The following LRP6 variants were observed in gnomAD, a reference collection of about 807,000 sequenced individuals.
LRP6 encodes low-density lipoprotein receptor-related protein 6.
A neutral mutation model predicts 184.1 loss-of-function variants in LRP6; 43 were observed. The ratio of observed to expected loss-of-function variants is 0.23; its 90% CI spans 0.18 to 0.30. The LOEUF is 0.30. Ranked by LOEUF, LRP6 falls within the 10% of genes least tolerant of loss-of-function variation. The pLI is 1.00. For synonymous variants in LRP6, 719 were observed against 684.9 expected, an observed-to-expected ratio of 1.05 and a Z score of -0.78; for missense variants, 1,571 against 2,005.3, an observed-to-expected ratio of 0.78 and a Z score of 4.14.
chr12:12,201,891 A>G (rs1021447688), intron 3 of LRP6, among the ~76,000 whole-genome samples: 2 of 152,220 alleles, frequency 1.3e-5, no homozygotes, highest in African/African-American at 4.8e-5. Flanking sequence ...CCATGATTAC[A>G]AAAAGTTTAA....
chr12:12,262,557 CA>C (rs57218812), intron 1 of LRP6, among the ~76,000 whole-genome samples: 898 of 74,468 alleles, frequency 0.012, 1 homozygote, highest in African/African-American at 0.038. Context: ...GACTCCGTCT[CA>C]AAAAAAAAAA....
At position 12,237,025 on chromosome 12, in the gene LRP6, C is replaced by T. The variant is rs546574155; in HGVS notation, c.449+7237G>A. 2.0e-5 allele frequency among the ~76,000 whole-genome samples: 3 copies of T among 152,214 alleles called. No homozygotes were observed. In the East Asian group the frequency reaches 5.8e-4, roughly 29 times the overall value. On this transcript the variant is annotated intron_variant, in intron 2 of 22. Coordinates refer to ENST00000261349, the MANE Select transcript of LRP6 (RefSeq NM_002336.3). ...GAGCTGAAAGTTCCAAGCTTCTAAT[C>T]ATGGCTTGGTCTTTCTGGTGACCAG...
chr12:12,164,671 A>G, intron 8 of LRP6, 109 bp from the exon 9 acceptor site: 1 of 1,016,082 alleles, frequency 9.8e-7, no homozygotes, highest in South Asian at 1.4e-5. Flanking sequence ...GCCTATGATT[A>G]TGTCTTGCTC....
At chr12:12,261,421 T>G (rs1865614282) in intron 1 of LRP6, among the ~76,000 whole-genome samples, 1 of 150,328 alleles carries the variant, frequency 6.7e-6, no homozygotes, top group Non-Finnish European at 1.5e-5. Context: ...AAAAAAAAAT[T>G]GAACCACAGG....
At chr12:12,255,864 C>G (rs951101201) in intron 1 of LRP6, among the ~76,000 whole-genome samples, 1 of 152,090 alleles carries the variant, frequency 6.6e-6, no homozygotes, top group Admixed American at 6.6e-5. Flanking sequence ...GCCACTGCAC[C>G]TTGGCCTCAG....
At chr12:12,185,847 GTT>G (rs71435899) in intron 4 of LRP6, among the ~76,000 whole-genome samples, 20 of 140,890 alleles carry the variant, frequency 1.4e-4, no homozygotes, top group South Asian at 2.3e-4. Flanking sequence ...TGTGTTTTTT[GTT>G]TTTTTTTTTT....
chr12:12,181,377 G>A lies in LRP6; in HGVS notation c.1039C>T (p.Pro347Ser). ...TGCAGAACAATGTCTGTAAAATCTG[G>A]TGTATCCAAAGAAATGCGTCTCAAG... ...TDLRRISLDT[P>S]DFTDIVLQLE... Residue 347 changes from proline (P) to serine (S), a missense_variant, in exon 6 of 23, where the codon CCA (proline) becomes TCA (serine). Coordinates refer to ENST00000261349, the MANE Select transcript of LRP6 (RefSeq NM_002336.3). 6.3e-7 allele frequency: 1 copy of A among 1,588,164 alleles called. No homozygotes were observed. Among genetic ancestry groups the A allele is most frequent in the Non-Finnish European group, 8.6e-7 (1 of 1,156,540 alleles).
At chr12:12,237,955 G>A (rs149173051) in intron 2 of LRP6, among the ~76,000 whole-genome samples, 57 of 152,222 alleles carry the variant, frequency 3.7e-4, no homozygotes, top group Admixed American at 3.9e-4. Flanking sequence ...CTGTTCTATG[G>A]TTATACAAAA....
intron 2 of LRP6, among the ~76,000 whole-genome samples, chr12:12,230,154 G>T (rs1043067860): frequency 1.3e-5 from 2 of 152,124 alleles, no homozygotes; most frequent in African/African-American, 2.4e-5. Flanking sequence ...GGGAAGTAAA[G>T]CAAGTAAACA....
chr12:12,139,411 C>T (rs1328588315), intron 15 of LRP6, among the ~76,000 whole-genome samples: 1 of 152,150 alleles, frequency 6.6e-6, no homozygotes, highest in Admixed American at 6.6e-5. Context: ...TCTCCTAAAA[C>T]TCTACTAATA....
intron 3 of LRP6, among the ~76,000 whole-genome samples, chr12:12,199,082 A>C (rs1380935060): frequency 1.3e-5 from 2 of 152,168 alleles, no homozygotes. Flanking sequence ...TTAAATGCCA[A>C]AGGAACAACA....
At chr12:12,194,553 G>A (rs1863704647) in intron 3 of LRP6, among the ~76,000 whole-genome samples, 1 of 151,964 alleles carries the variant, frequency 6.6e-6, no homozygotes, top group Non-Finnish European at 1.5e-5. Context: ...TTAGTCTTAA[G>A]CCCCATTTTC....
chr12:12,224,633 A>G (rs1225946839), intron 2 of LRP6, among the ~76,000 whole-genome samples: 1 of 152,236 alleles, frequency 6.6e-6, no homozygotes, highest in East Asian at 1.9e-4. Flanking sequence ...AACAGTTATG[A>G]ATTCATTATA....
chr12:12,150,937 G>A lies in LRP6; in HGVS notation c.2893C>T (p.Arg965Trp), dbSNP rs1046531114. 7.4e-6 allele frequency: 12 copies of A among 1,614,004 alleles called. No individual in the cohort carries two copies. The highest frequency in any genetic ancestry group is 1.3e-5 in the African/African-American group (1 of 74,924). The change falls in exon 13 of 23, where the codon CGG becomes TGG. Residue 965 changes from arginine to tryptophan, a missense_variant. Arg to Trp is a moderately radical substitution (Grantham distance 101). Transcript: ENST00000261349. ...PDIILPIHSL[R>W]NVRAIDYDPL... is the part of the protein sequence containing the mutation. ...TCATAGTCAATGGCCCGGACATTCC[G>A]AAGGCTGTGGATGGGAAGGATGATG...
chr12:12,186,701 C>G (rs962105369), intron 4 of LRP6: 14 of 576,320 alleles, frequency 2.4e-5, no homozygotes, highest in South Asian at 2.4e-4. Flanking sequence ...CTCTGTCTCC[C>G]AGGCTGGAGT....
chr12:12,135,080 C>G, intron 17 of LRP6, 95 bp downstream of exon 17: 1 of 1,577,636 alleles, frequency 6.3e-7, no homozygotes, highest in Non-Finnish European at 8.7e-7. Flanking sequence ...AGTTAGTAGA[C>G]AGAGCAACTT....
intron 15 of LRP6, among the ~76,000 whole-genome samples, chr12:12,139,845 T>C (rs768096955): frequency 3.3e-5 from 5 of 151,944 alleles, no homozygotes; most frequent in African/African-American, 9.7e-5. Flanking sequence ...GGAGAATAGA[T>C]AGACCAGGGA....
intron 2 of LRP6, among the ~76,000 whole-genome samples, chr12:12,205,329 CA>C (rs56169717): frequency 0.16 from 6,363 of 38,970 alleles, 76 homozygotes; most frequent in Non-Finnish European, 0.26. Flanking sequence ...CTCAAACAAA[CA>C]AAAAAAAAAA....
At position 12,249,129 on chromosome 12, in the gene LRP6, C is replaced by T. The variant is rs559543121; in HGVS notation, c.56-4474G>A. ...TGATAAAGACGTGACACTTACAAGA[C>T]GTACAGGGATGATAATTGGGCCTGC... On this transcript the variant is annotated intron_variant, in intron 1 of 22. Coordinates refer to ENST00000261349, the MANE Select transcript of LRP6 (RefSeq NM_002336.3). 1.8e-4 allele frequency: 126 copies of T among 700,926 alleles called. No individual in the cohort carries two copies. The African/African-American group carries it at 2.0e-3, about 11-fold the overall frequency. 43.4% of individuals were successfully genotyped at this position (700,926 alleles called of 1,614,324 possible).
Sources: allele counts gnomAD v4.1 joint callset (sites outside exome capture counted in the v4.1 genomes callset), GRCh38; gene constraint gnomAD v4.1.1; transcripts MANE v1.5; gene names NCBI Gene and HGNC (gene_info 2026-07-23, HGNC 2026-07-21).